Variants in RANBP2 observed in about 807,000 individuals in gnomAD.
RANBP2 encodes the protein E3 SUMO-protein ligase RanBP2.
RANBP2 carries 57 observed loss-of-function variants against 303.6 expected under a neutral mutation model. The ratio of observed to expected loss-of-function variants is 0.19; its 90% CI spans 0.15 to 0.23. The LOEUF (loss-of-function observed/expected upper bound fraction) is 0.23. Ranked by LOEUF, RANBP2 falls within the 10% of genes least tolerant of loss-of-function variation. The pLI, the probability that RANBP2 is intolerant of heterozygous loss-of-function variation, is 1.00. For missense variants in RANBP2, 3,138 were observed against 3,780.8 expected (o/e 0.83, Z 4.46); for synonymous variants, 1,167 against 1,301.5 (o/e 0.90, Z 2.23).
the RANBP2 span, among the ~76,000 whole-genome samples, chr2:109,551,974 T>C: frequency 2.0e-5 from 3 of 152,192 alleles, no homozygotes; most frequent in East Asian, 5.8e-4. Flanking sequence ...TACTGGTCCA[T>C]GGCCTGTTAG....
chr2:109,316,159 G>C, the RANBP2 span, among the ~76,000 whole-genome samples: 21 of 152,324 alleles, frequency 1.4e-4, no homozygotes, highest in Admixed American at 1.2e-3. Context: ...GAGGTGTTCA[G>C]AGCTGGTTTT....
the RANBP2 span, among the ~76,000 whole-genome samples, chr2:109,659,372 C>G: frequency 3.9e-5 from 6 of 152,148 alleles, no homozygotes; most frequent in African/African-American, 1.2e-4. Context: ...TTTCATCCCC[C>G]CCAAAAACAC....
chr2:108,944,152 C>T, the RANBP2 span, among the ~76,000 whole-genome samples: 10 of 152,174 alleles, frequency 6.6e-5, no homozygotes, highest in East Asian at 7.7e-4. Flanking sequence ...CTCGCTCTGT[C>T]AGCCAGGCTG....
intron 1 of RANBP2, among the ~76,000 whole-genome samples, chr2:108,726,314 G>T (rs1393736232): frequency 1.3e-5 from 2 of 152,158 alleles, no homozygotes; most frequent in Non-Finnish European, 2.9e-5. Context: ...TGCAGTGCTT[G>T]TGTTCAAGTA....
chr2:108,904,569 CT>C, the RANBP2 span, among the ~76,000 whole-genome samples: 10,582 of 152,188 alleles, frequency 0.07, 1,223 homozygotes, highest in African/African-American at 0.24. Context: ...CCCTGATGTC[CT>C]TCAACAAGTG....
At chr2:109,360,965 T>A in the RANBP2 span, among the ~76,000 whole-genome samples, 1 of 152,236 alleles carries the variant, frequency 6.6e-6, no homozygotes, top group African/African-American at 2.4e-5. Flanking sequence ...GTAGGTTATT[T>A]GTAGATGTTC....
At chr2:109,293,134 A>G in the RANBP2 span, among the ~76,000 whole-genome samples, 2 of 152,184 alleles carry the variant, frequency 1.3e-5, no homozygotes, top group African/African-American at 4.8e-5. Context: ...ACTAGAAGGA[A>G]TGGGACACAG....
chr2:109,374,782 C>T, the RANBP2 span, among the ~76,000 whole-genome samples: 36 of 152,350 alleles, frequency 2.4e-4, no homozygotes, highest in African/African-American at 6.3e-4. Context: ...TTCTACCCAG[C>T]GCACAGCTGC....
At chr2:108,860,488 T>C in the RANBP2 span, among the ~76,000 whole-genome samples, 3 of 152,024 alleles carry the variant, frequency 2.0e-5, no homozygotes, top group Non-Finnish European at 2.9e-5. Flanking sequence ...ATGACTCTTA[T>C]TATTTCAATG....
the RANBP2 span, among the ~76,000 whole-genome samples, chr2:109,565,171 TA>T: frequency 1.4e-3 from 206 of 152,302 alleles, no homozygotes; most frequent in Non-Finnish European, 2.2e-3. Context: ...AAAAATGTTA[TA>T]TTTTCTCAAT....
chr2:108,894,525 A>AATT, the RANBP2 span: 5 of 152,706 alleles, frequency 3.3e-5, no homozygotes, highest in African/African-American at 1.2e-4. Flanking sequence ...ATATATACAG[A>AATT]ATTAGACAAA....
the RANBP2 span, among the ~76,000 whole-genome samples, chr2:109,719,514 C>A: frequency 1.1e-4 from 17 of 151,206 alleles, no homozygotes; most frequent in South Asian, 1.0e-3. Flanking sequence ...TCAAGCAATT[C>A]TCCTGCCTCA....
At chr2:109,455,893 C>T in the RANBP2 span, among the ~76,000 whole-genome samples, 1 of 152,216 alleles carries the variant, frequency 6.6e-6, no homozygotes, top group African/African-American at 2.4e-5. Context: ...GAGGGGCCTG[C>T]TGTCACCTGC....
chr2:108,815,461 G>GTTTTTTTTTT, the RANBP2 span, among the ~76,000 whole-genome samples: 37 of 70,736 alleles, frequency 5.2e-4, no homozygotes, highest in East Asian at 1.4e-3. Flanking sequence ...GGTTTTTGGT[G>GTTTTTTTTTT]TTTTTTTTTT....
the RANBP2 span, among the ~76,000 whole-genome samples, chr2:109,063,508 C>T: frequency 1.3e-5 from 2 of 152,134 alleles, no homozygotes; most frequent in Admixed American, 6.6e-5. Context: ...GGCTGCAAGT[C>T]GGCCAGAAAC....
chr2:109,402,342 A>G, the RANBP2 span, among the ~76,000 whole-genome samples: 1 of 152,244 alleles, frequency 6.6e-6, no homozygotes, highest in Admixed American at 6.5e-5. Flanking sequence ...CATGCTGGCC[A>G]CAGCCCAGGA....
the RANBP2 span, among the ~76,000 whole-genome samples, chr2:109,314,110 G>A: frequency 2.6e-5 from 4 of 152,050 alleles, no homozygotes; most frequent in African/African-American, 7.2e-5. Flanking sequence ...ACACAGTAGC[G>A]GAAAGCAGCA....
the RANBP2 span, among the ~76,000 whole-genome samples, chr2:109,111,575 G>A: frequency 6.6e-6 from 1 of 150,574 alleles, no homozygotes; most frequent in Non-Finnish European, 1.5e-5. Context: ...CCTGCATTTT[G>A]GAGATGGCAT....
At chr2:109,721,782 T>C in the RANBP2 span, among the ~76,000 whole-genome samples, 8 of 152,334 alleles carry the variant, frequency 5.3e-5, no homozygotes, top group East Asian at 5.8e-4. Context: ...GGGAACACCA[T>C]AGCCCCATGG....
Sources: allele counts gnomAD v4.1 joint callset (sites outside exome capture counted in the v4.1 genomes callset), GRCh38; gene constraint gnomAD v4.1.1; transcripts MANE v1.5; gene names NCBI Gene and HGNC (gene_info 2026-07-23, HGNC 2026-07-21).